The following CSMD1 variants were observed in gnomAD, a reference collection of about 807,000 sequenced individuals.
CSMD1 encodes CUB and Sushi multiple domains 1.
In CSMD1, 213 loss-of-function variants were observed where a neutral mutation model predicts 417.5. That is an observed-to-expected ratio of 0.51 (90% CI 0.46 to 0.57). The LOEUF is 0.57. Ranked by LOEUF, CSMD1 falls within the 20% of genes least tolerant of loss-of-function variation. CSMD1 has a pLI of 0.00. For synonymous variants in CSMD1, 2,862 were observed against 1,736.8 expected, an observed-to-expected ratio of 1.65 and a Z score of -16.11; for missense variants, 6,923 against 4,529.7, an observed-to-expected ratio of 1.53 and a Z score of -15.17.
intron 7 of CSMD1, among the ~76,000 whole-genome samples, chr8:3,653,756 C>G (rs1384196): frequency 5.3e-5 from 8 of 152,078 alleles, no homozygotes; most frequent in African/African-American, 1.9e-4. Context: ...ATGGCTGTTA[C>G]ACAGTGGGTC....
intron 5 of CSMD1, among the ~76,000 whole-genome samples, chr8:3,809,952 C>A (rs530653366): frequency 1.0e-3 from 158 of 152,332 alleles, no homozygotes; most frequent in South Asian, 9.9e-3. Flanking sequence ...TTTACTTACT[C>A]AAGGGCCTTC....
chr8:3,975,704 T>G lies in CSMD1; in HGVS notation c.818+22199A>C, dbSNP rs138882146. On this transcript the variant is annotated intron_variant, in intron 5 of 69. Coordinates refer to ENST00000635120, the MANE Select transcript of CSMD1 (RefSeq NM_033225.6). Reference sequence around the variant, plus strand: ...GAGATGATGGATTTAAAAGCCATGGTTGACAACGACTTCATTACATGCAAA... The same window carrying G: ...GAGATGATGGATTTAAAAGCCATGGGTGACAACGACTTCATTACATGCAAA... Among the ~76,000 whole-genome samples, 249 of 152,338 alleles carry G rather than the reference T, an allele frequency of 1.6e-3. 2 individuals carry two copies. The East Asian group carries it at 0.02, about 12-fold the overall frequency.
intron 7 of CSMD1, among the ~76,000 whole-genome samples, chr8:3,702,893 C>T (rs370436690): frequency 1.6e-3 from 241 of 152,248 alleles, no homozygotes; most frequent in Middle Eastern, 3.4e-3. Context: ...AATCTACTTT[C>T]AGAATAAAGA....
At chr8:3,101,402 A>G (rs1030835980) in intron 46 of CSMD1, among the ~76,000 whole-genome samples, 3 of 152,214 alleles carry the variant, frequency 2.0e-5, no homozygotes, top group Non-Finnish European at 4.4e-5. Context: ...AGTGTCTAGC[A>G]CAGTAATATC....
At chr8:3,056,007 T>C (rs1481344496) in intron 49 of CSMD1, among the ~76,000 whole-genome samples, 2 of 152,236 alleles carry the variant, frequency 1.3e-5, no homozygotes, top group Admixed American at 1.3e-4. Flanking sequence ...TGACAAATTA[T>C]TATACGCAGA....
At chr8:4,532,305 C>T (rs916140236) in intron 2 of CSMD1, among the ~76,000 whole-genome samples, 17 of 145,058 alleles carry the variant, frequency 1.2e-4, no homozygotes, top group African/African-American at 5.2e-5. Flanking sequence ...CACAGTCACT[C>T]CAGAAAAGAA....
At chr8:3,838,062 C>A (rs749347805) in intron 5 of CSMD1, among the ~76,000 whole-genome samples, 1 of 152,080 alleles carries the variant, frequency 6.6e-6, no homozygotes, top group Admixed American at 6.6e-5. Flanking sequence ...GACTTGGAAA[C>A]GGTTGTAGGG....
chr8:3,885,872 G>A (rs569879811), intron 5 of CSMD1, among the ~76,000 whole-genome samples: 5 of 152,104 alleles, frequency 3.3e-5, no homozygotes, highest in Admixed American at 2.0e-4. Context: ...TTGCTCTTTT[G>A]CTAAATTTTT....
rs915169804 is a variant in CSMD1 at position 3,951,561 on chromosome 8, G to A, written c.818+46342C>T. Among the ~76,000 whole-genome samples the A allele has an allele frequency of 3.3e-5, 5 of 151,906 alleles. No individual in the cohort carries two copies. In the South Asian group the frequency reaches 8.3e-4, roughly 25 times the overall value. On this transcript the variant is annotated intron_variant, in intron 5 of 69. Coordinates refer to ENST00000635120, the MANE Select transcript of CSMD1 (RefSeq NM_033225.6). ...ATGATCTATCTAAGTAAAATACATC[G>A]CCAAAGATATGAATCATCATAGAAA...
chr8:3,926,082 TACACACACACACACACACACACAC>T (rs58966907), intron 5 of CSMD1, among the ~76,000 whole-genome samples: 1,779 of 103,980 alleles, frequency 0.017, 70 homozygotes, highest in African/African-American at 0.047. Context: ...ACAAACACCA[TACACACACACACACACACACACAC>T]ACACACACAC....
chr8:3,984,704 CATATATATATATAT>C (rs59669026), intron 5 of CSMD1, among the ~76,000 whole-genome samples: 1,401 of 82,816 alleles, frequency 0.017, 57 homozygotes, highest in African/African-American at 0.041. Context: ...GTGTATATAT[CATATATATATATAT>C]ATATATATAT....
intron 3 of CSMD1, among the ~76,000 whole-genome samples, chr8:4,044,015 C>G (rs532595631): frequency 2.1e-5 from 3 of 143,198 alleles, no homozygotes; most frequent in South Asian, 2.2e-4. Flanking sequence ...ATAATTTTGG[C>G]AAAGCTTAAT....
chr8:3,949,975 C>T (rs1385167199), intron 5 of CSMD1: 3 of 455,786 alleles, frequency 6.6e-6, no homozygotes, highest in Non-Finnish European at 1.3e-5. Flanking sequence ...GACGTGTCTC[C>T]AGGCTTGCAT....
chr8:4,713,782 G>C (rs966669110), intron 1 of CSMD1, among the ~76,000 whole-genome samples: 3 of 152,172 alleles, frequency 2.0e-5, no homozygotes, highest in East Asian at 1.9e-4. Flanking sequence ...GCTTGGGCTG[G>C]AGATCATTCT....
At chr8:3,521,985 C>G (rs972676478) in intron 10 of CSMD1, among the ~76,000 whole-genome samples, 3 of 152,328 alleles carry the variant, frequency 2.0e-5, no homozygotes, top group African/African-American at 7.2e-5. Flanking sequence ...TTCATTTCCA[C>G]ACAGTGTAAA....
At chr8:4,269,329 G>C (rs899039472) in intron 3 of CSMD1, among the ~76,000 whole-genome samples, 1 of 152,142 alleles carries the variant, frequency 6.6e-6, no homozygotes, top group East Asian at 1.9e-4. Flanking sequence ...CTCCCCCAAA[G>C]TGCTGGGATT....
At chr8:4,223,621 G>A (rs149067930) in intron 3 of CSMD1, among the ~76,000 whole-genome samples, 1 of 152,228 alleles carries the variant, frequency 6.6e-6, no homozygotes, top group Non-Finnish European at 1.5e-5. Flanking sequence ...GGAAAGAATA[G>A]ATTAGCAGCC....
chr8:4,626,126 C>CAG (rs1468485858), intron 2 of CSMD1, among the ~76,000 whole-genome samples: 3 of 152,136 alleles, frequency 2.0e-5, no homozygotes, highest in Non-Finnish European at 4.4e-5. Context: ...CCATGAGAAA[C>CAG]AGAGACACTA....
At chr8:4,208,289 G>T (rs1264274133) in intron 3 of CSMD1, among the ~76,000 whole-genome samples, 2 of 152,008 alleles carry the variant, frequency 1.3e-5, no homozygotes, top group Admixed American at 6.6e-5. Flanking sequence ...GAAACAAGAA[G>T]AATTAGAAAA....
Sources: allele counts gnomAD v4.1 joint callset (sites outside exome capture counted in the v4.1 genomes callset), GRCh38; gene constraint gnomAD v4.1.1; transcripts MANE v1.5; gene names NCBI Gene and HGNC (gene_info 2026-07-23, HGNC 2026-07-21).